ARHGEF19: variants seen among roughly 807,000 people sequenced by gnomAD.
The protein encoded by ARHGEF19 is Rho guanine nucleotide exchange factor 19.
In ARHGEF19, 92 loss-of-function variants were observed where a neutral mutation model predicts 87.6. The observed-to-expected ratio is 1.05, with a 90% CI of 0.89 to 1.25. ARHGEF19 has a LOEUF of 1.25. ARHGEF19 is among the 50% of genes most tolerant of loss of function. ARHGEF19 has a pLI of 0.00. For synonymous variants in ARHGEF19, 438 were observed against 446.2 expected, an observed-to-expected ratio of 0.98 and a Z score of 0.23; for missense variants, 1,054 against 1,051.8, an observed-to-expected ratio of 1.00 and a Z score of -0.03.
intron 14 of ARHGEF19, among the ~76,000 whole-genome samples, 173 bp downstream of exon 14, chr1:16,201,609 G>C (rs1056986201): frequency 6.6e-6 from 1 of 152,188 alleles, no homozygotes; most frequent in African/African-American, 2.4e-5. Context: ...GAGTCCACCT[G>C]TGCTATGTAA....
chr1:16,208,892 G>T lies in ARHGEF19; in HGVS notation c.163C>A (p.Pro55Thr). The T allele has an allele frequency of 6.2e-7, 1 of 1,601,798 alleles. No individual in the cohort carries two copies. Among genetic ancestry groups the T allele is most frequent in the Non-Finnish European group, 8.5e-7 (1 of 1,176,112 alleles). ...CTGCCAGGAGCCCGAAGCTCCTCTG[G>T]GGCAACAGGGAAAAGGTCCAGACAC... The part of the protein sequence containing the change: ...PVCLDLFPVA[P>T]EELRAPGSRW... The change falls in exon 2 of 16, where the codon CCA becomes ACA. Residue 55 changes from proline (P) to threonine (T), a missense_variant. Transcript: ENST00000270747.
At position 16,208,004 on chromosome 1, in the gene ARHGEF19, C is replaced by T. The variant is rs1303056779; in HGVS notation, c.634G>A (p.Gly212Arg). The change falls in exon 3 of 16, where the codon GGG (glycine) becomes AGG (arginine). Residue 212 changes from glycine (G) to arginine (R), a missense_variant. Coordinates refer to ENST00000270747, the MANE Select transcript of ARHGEF19 (RefSeq NM_153213.5). ...MTRLHSSLRLGRNSAARALIS... is the reference protein window; with the variant it reads ...MTRLHSSLRLRRNSAARALIS... ...AGTGCCCGGGCTGCTGAATTCCGCC[C>T]CAGGCGCAGAGAAGAGTGCAGCCGG... The T allele has an allele frequency of 6.2e-7, 1 of 1,613,204 alleles. No individual in the cohort carries two copies.
At chr1:16,203,422 C>T (rs1006772412) in intron 12 of ARHGEF19, among the ~76,000 whole-genome samples, 2 of 152,110 alleles carry the variant, frequency 1.3e-5, no homozygotes, top group African/African-American at 4.8e-5. Context: ...ATCCACTTAT[C>T]CTGAAGTACC....
intron 11 of ARHGEF19, 68 bp from the exon 12 acceptor site, chr1:16,204,987 G>T (rs1026017315): frequency 1.3e-6 from 2 of 1,566,294 alleles, no homozygotes; most frequent in Non-Finnish European, 1.7e-6. Context: ...TGGTAGATGG[G>T]AGGGTGTGGG....
At position 16,197,935 on chromosome 1, in the gene ARHGEF19, T is replaced by G. The variant is rs2081055049; in HGVS notation, c.*652A>C. ...TACTTGCAGCCAAAAGCAGCCTAGC[T>G]GATACACAATCGTCCCCCTGCCCCC... On this transcript the variant is annotated 3_prime_UTR_variant, in exon 16 of 16. Coordinates refer to ENST00000270747, the MANE Select transcript of ARHGEF19 (RefSeq NM_153213.5). 1 of 152,334 alleles carries G rather than the reference T, an allele frequency of 6.6e-6. No individual in the cohort carries two copies. The highest frequency in any genetic ancestry group is 6.5e-5 in the Admixed American group (1 of 15,290). 9.4% of individuals were successfully genotyped at this position (152,334 alleles called of 1,614,324 possible).
chr1:16,204,105 A>T (rs766820127), intron 12 of ARHGEF19, among the ~76,000 whole-genome samples: 1 of 152,160 alleles, frequency 6.6e-6, no homozygotes, highest in Non-Finnish European at 1.5e-5. Context: ...GACTCAAGTG[A>T]TCCTCCTACC....
rs376974048 is a variant in ARHGEF19, at chr1:16,201,776, T to C, written c.2146+6A>G. On this transcript the variant is annotated splice_donor_region_variant and intron_variant, in intron 14 of 15. Transcript: ENST00000270747. ...AGGGATGTAAGCAGCAGGGATGAGC[T>C]ACTACCTTCCCCCTCACTGATGACC... 15 of 1,613,234 alleles carry C rather than the reference T, an allele frequency of 9.3e-6. No individual in the cohort carries two copies. The highest frequency in any genetic ancestry group is 5.3e-5 in the African/African-American group (4 of 74,878).
chr1:16,202,332 T>G (rs933756073), intron 13 of ARHGEF19, 84 bp downstream of exon 13: 2 of 810,340 alleles, frequency 2.5e-6, no homozygotes, highest in African/African-American at 4.2e-5. Context: ...GTGCCCGCCA[T>G]GGGGACGGGG....
At position 16,207,227 on chromosome 1, in the gene ARHGEF19, C is replaced by T. The variant is rs780503276; in HGVS notation, c.875-17G>A. 1.3e-6 allele frequency: 2 copies of T among 1,484,738 alleles called. No individual in the cohort carries two copies. Among genetic ancestry groups the T allele is most frequent in the African/African-American group, 1.4e-5 (1 of 70,850 alleles). The allele number at this position is 1,484,738 out of a possible 1,614,324, so 92.0% of individuals were successfully genotyped here. A position where few individuals can be genotyped will look rare whatever the true frequency, so the allele number is the denominator to read the frequency against. ...AGAGGACGGCTGGGGGAAAGACGGGCGGGGGAGAGCGTGGGGCGCCCGCCA... is the reference window on the plus strand; with the variant it reads ...AGAGGACGGCTGGGGGAAAGACGGGTGGGGGAGAGCGTGGGGCGCCCGCCA... On this transcript the variant is annotated splice_polypyrimidine_tract_variant and intron_variant, in intron 5 of 15. Coordinates refer to ENST00000270747, the MANE Select transcript of ARHGEF19 (RefSeq NM_153213.5). The surrounding 1 kb of genome is among the most constrained non-coding windows in gnomAD (Gnocchi z 4.0).
chr1:16,201,745 C>T (rs1430015057), intron 14 of ARHGEF19, 37 bp downstream of exon 14: 12 of 1,602,612 alleles, frequency 7.5e-6, no homozygotes, highest in Non-Finnish European at 1.0e-5. Flanking sequence ...GGCGAGGGTC[C>T]AGCCCAGGGA....
rs769599453 is a variant in ARHGEF19, at chr1:16,208,736, C to G, written c.319G>C (p.Gly107Arg). The stretch of plus-strand genomic sequence containing the variant: ...CCCTCCAGAGCTGGGGGCTGGGCAC[C>G]AGGACAGTGTGGCCAGCTGCCAGCC... ...SRAGSWPHCPGAQPPALEGPW... is the reference protein window; with the variant it reads ...SRAGSWPHCPRAQPPALEGPW... The change falls in exon 2 of 16, where the codon GGT (glycine) becomes CGT (arginine). Residue 107 changes from glycine to arginine, a missense_variant. Gly to Arg is a moderately radical substitution (Grantham distance 125, BLOSUM62 -2). Coordinates refer to ENST00000270747, the MANE Select transcript of ARHGEF19 (RefSeq NM_153213.5). 6 of 1,611,112 alleles carry G rather than the reference C, an allele frequency of 3.7e-6. No individual in the cohort carries two copies. In the South Asian group the frequency reaches 6.6e-5, roughly 18 times the overall value.
chr1:16,208,412 C>T (rs2081166016), intron 2 of ARHGEF19, among the ~76,000 whole-genome samples, 187 bp from the exon 3 acceptor site: 1 of 152,166 alleles, frequency 6.6e-6, no homozygotes, highest in Admixed American at 6.5e-5. Context: ...GAGCACAGGG[C>T]CTGGCTGCAG....
In ARHGEF19 at chr1:16,206,919, C is replaced by T. The variant is rs1365401506; in HGVS notation, c.1137+29G>A. ...GACCGCGTACTCCCCGGCCCGCCCC[C>T]GCCCCGCCGGGTCCCCGCGCGCGCC... is the stretch of plus-strand genomic sequence containing the variant. On this transcript the variant is annotated intron_variant, in intron 6 of 15. Coordinates refer to ENST00000270747, the MANE Select transcript of ARHGEF19 (RefSeq NM_153213.5). This position sits in a 1 kb window ranked among gnomAD's most constrained non-coding sequence, Gnocchi z 4.6. The T allele has an allele frequency of 1.4e-6, 2 of 1,438,916 alleles. No individual in the cohort carries two copies. The highest frequency in any genetic ancestry group is 3.0e-5 in the African/African-American group (2 of 66,742). The allele number at this position is 1,438,916 out of a possible 1,614,324, so 89.1% of individuals were successfully genotyped here. A position where few individuals can be genotyped will look rare whatever the true frequency, so the allele number is the denominator to read the frequency against.
chr1:16,208,664 C>A lies in ARHGEF19; in HGVS notation c.391G>T (p.Gly131Cys). The A allele has an allele frequency of 6.2e-7, 1 of 1,605,144 alleles. No individual in the cohort carries two copies. ...HTQPQRRASH[G>C]SEKKSAWRKM... ...TCACAGGCAGACTTCTTCTCCGAGCCGTGGCTGGCCCGGCGCTGTGGCTGT... is the reference window on the plus strand; with the variant it reads ...TCACAGGCAGACTTCTTCTCCGAGCAGTGGCTGGCCCGGCGCTGTGGCTGT... Residue 131 changes from glycine to cysteine, a missense_variant, in exon 2 of 16, where the codon GGC becomes TGC. Gly to Cys is a radical substitution (Grantham distance 159). Transcript: ENST00000270747.
chr1:16,208,941 G>A lies in ARHGEF19; in HGVS notation c.114C>T (p.Pro38=), dbSNP rs1400590969. ...ACACTGGGCTCGGGGGCTTCAGGGC[G>A]GGCAGCTCTGCAAAGGACAGACTCT... is the stretch of plus-strand genomic sequence containing the variant. ...QQESLSFAEL[P]ALKPPSPVCL... Residue 38 remains proline, a synonymous_variant, in exon 2 of 16, where the codon CCC becomes CCT. Transcript: ENST00000270747. 11 of 1,579,086 alleles carry A rather than the reference G, an allele frequency of 7.0e-6. No individual in the cohort carries two copies. The highest frequency in any genetic ancestry group is 9.5e-6 in the Non-Finnish European group (11 of 1,164,020).
intron 1 of ARHGEF19, among the ~76,000 whole-genome samples, chr1:16,209,410 G>A (rs546344926): frequency 7.2e-5 from 11 of 152,292 alleles, no homozygotes; most frequent in Middle Eastern, 3.4e-3. Context: ...TAACCTGGCC[G>A]TTCTAGCTTT....
In ARHGEF19 at chr1:16,208,103, C is replaced by A; in HGVS notation, c.535G>T (p.Glu179Ter). The A allele has an allele frequency of 6.2e-7, 1 of 1,614,078 alleles. No individual in the cohort carries two copies. Among genetic ancestry groups the A allele is most frequent in the South Asian group, 1.1e-5 (1 of 91,092 alleles). ...CTCACTCGGGTGGACCCAGACAACTCCACCCTGGGCTCCTCTGTGCTCAGG... is the reference window on the plus strand; with the variant it reads ...CTCACTCGGGTGGACCCAGACAACTACACCCTGGGCTCCTCTGTGCTCAGG... ...QALSTEEPRVELSGSTRVSLE... is the reference protein window; with the variant it reads ...QALSTEEPRV Residue 179 changes from glutamate (E) to a stop codon, truncating the protein, a stop_gained, in exon 3 of 16, where the codon GAG becomes TAG. Transcript: ENST00000270747. LOFTEE classifies it high-confidence loss of function.
chr1:16,203,077 T>G (rs1218832872), intron 12 of ARHGEF19, among the ~76,000 whole-genome samples: 1 of 152,126 alleles, frequency 6.6e-6, no homozygotes, highest in Non-Finnish European at 1.5e-5. Flanking sequence ...TTCCAGTATA[T>G]AAGCCCCACG....
Position 16,207,509 on chromosome 1 carries a change from C to T in ARHGEF19, c.874+13G>A, listed in dbSNP as rs754404489. 2 of 1,613,548 alleles carry T rather than the reference C, an allele frequency of 1.2e-6. No homozygotes were observed. The highest frequency in any genetic ancestry group is 1.1e-5 in the South Asian group (1 of 91,048). On this transcript the variant is annotated intron_variant, in intron 5 of 15. Transcript: ENST00000270747. This position sits in a 1 kb window ranked among gnomAD's most constrained non-coding sequence, Gnocchi z 4.0. ...CTCCGTTACCTCCTCCCAGGGACCC[C>T]CCTCCCACGTACAGTTAAGGAGGAA...
Sources: allele counts gnomAD v4.1 joint callset (sites outside exome capture counted in the v4.1 genomes callset), GRCh38; gene constraint gnomAD v4.1.1; non-coding constraint Gnocchi (gnomAD v3.1); transcripts MANE v1.5; gene names NCBI Gene and HGNC (gene_info 2026-07-23, HGNC 2026-07-21).